GAD2: variants seen among roughly 807,000 people sequenced by gnomAD.
GAD2 encodes glutamate decarboxylase 2.
GAD2 carries 22 observed loss-of-function variants against 80.1 expected under a neutral mutation model. The observed-to-expected ratio is 0.27, with a 90% CI of 0.20 to 0.39. The LOEUF (loss-of-function observed/expected upper bound fraction) is 0.39, where lower values mean the gene tolerates loss of function less well. GAD2 is among the 10% of genes least tolerant of loss of function. GAD2 has a pLI of 1.00. For missense variants in GAD2, 624 were observed against 738.4 expected, an observed-to-expected ratio of 0.85 and a Z score of 1.80; for synonymous variants, 274 against 256.9, an observed-to-expected ratio of 1.07 and a Z score of -0.64.
chr10:26,244,671 A>G (rs191249635), intron 7 of GAD2, among the ~76,000 whole-genome samples: 411 of 152,270 alleles, frequency 2.7e-3, no homozygotes, highest in Non-Finnish European at 4.3e-3. Flanking sequence ...AGGTACTTAG[A>G]GTAGTTAAAT....
In GAD2 at chr10:26,217,440, C is replaced by G. The variant is rs1018238555; in HGVS notation, c.77-170C>G. ...GGGCTGGCCCGGGCCGCCAGCCTCC[C>G]GCTTGCCTTCTGCACCTGCCGGCCT... On this transcript the variant is annotated intron_variant, in intron 1 of 15. Transcript: ENST00000376261. This position sits in a 1 kb window ranked among gnomAD's most constrained non-coding sequence, Gnocchi z 4.9. Among the ~76,000 whole-genome samples, 1 of 152,120 alleles carries G rather than the reference C, an allele frequency of 6.6e-6. No individual in the cohort carries two copies. The highest frequency in any genetic ancestry group is 1.5e-5 in the Non-Finnish European group (1 of 68,020).
intron 12 of GAD2, among the ~76,000 whole-genome samples, chr10:26,283,089 C>T (rs367590869): frequency 5.3e-5 from 8 of 152,204 alleles, no homozygotes; most frequent in East Asian, 1.9e-4. Context: ...AAATGCGAGC[C>T]GGAGGAAAAT....
At position 26,301,493 on chromosome 10, in the gene GAD2, A is replaced by G. The variant is rs2132326641; in HGVS notation, c.*532A>G. The G allele has an allele frequency of 6.6e-6, 1 of 152,228 alleles. No homozygotes were observed. Among genetic ancestry groups the G allele is most frequent in the Admixed American group, 6.5e-5 (1 of 15,288 alleles). The allele number at this position is 152,228 out of a possible 1,614,324, so 9.4% of individuals were successfully genotyped here. On this transcript the variant is annotated 3_prime_UTR_variant, in exon 16 of 16. Coordinates refer to ENST00000376261, the MANE Select transcript of GAD2 (RefSeq NM_001134366.2). ...ATATATATATTAAAAAAGATATCCT[A>G]TTTTGTAACATATAGATTTTTATTT...
intron 13 of GAD2, 25 bp from the exon 14 acceptor site, chr10:26,292,440 T>A (rs1479527268): frequency 6.4e-7 from 1 of 1,560,634 alleles, no homozygotes; most frequent in Admixed American, 1.7e-5. Flanking sequence ...GCCTGCTTAA[T>A]GAGCTGTGTC....
chr10:26,218,287 T>G, intron 3 of GAD2: 1 of 327,370 alleles, frequency 3.1e-6, no homozygotes, highest in East Asian at 5.1e-5. Context: ...GCTCACTGAA[T>G]CGATGACGGC....
chr10:26,223,337 T>C (rs1315427795), intron 4 of GAD2, among the ~76,000 whole-genome samples: 1 of 152,234 alleles, frequency 6.6e-6, no homozygotes, highest in Non-Finnish European at 1.5e-5. Context: ...CAGAGTGTCC[T>C]ATTTTCTCAT....
intron 13 of GAD2, among the ~76,000 whole-genome samples, chr10:26,291,830 A>C (rs916311853): frequency 6.6e-6 from 1 of 152,246 alleles, no homozygotes; most frequent in Admixed American, 6.5e-5. Context: ...TTCCAGAGCC[A>C]GAAACTAAAA....
rs565149552 is a variant in GAD2 at position 26,277,103 on chromosome 10, C to A, written c.1157+3403C>A. ...TGTTTCCTTCTGTGATTACAGGGAG[C>A]TTTCACCAAGCAGGGCAACATTGTA... On this transcript the variant is annotated intron_variant, in intron 11 of 15. Coordinates refer to ENST00000376261, the MANE Select transcript of GAD2 (RefSeq NM_001134366.2). Among the ~76,000 whole-genome samples, 11 of 152,302 alleles carry A rather than the reference C, an allele frequency of 7.2e-5. No homozygotes were observed. The East Asian group carries it at 1.5e-3, about 21-fold the overall frequency.
intron 15 of GAD2, among the ~76,000 whole-genome samples, chr10:26,300,306 C>A (rs1026168732): frequency 2.6e-5 from 4 of 152,034 alleles, no homozygotes; most frequent in African/African-American, 9.7e-5. Flanking sequence ...AAAGAGAGAA[C>A]GAAAAGAAAC....
chr10:26,300,528 A>C (rs7906659), intron 15 of GAD2, among the ~76,000 whole-genome samples: 146 of 152,196 alleles, frequency 9.6e-4, no homozygotes, highest in African/African-American at 3.3e-3. Context: ...CCAAAACACT[A>C]ACTGGAAAGT....
chr10:26,292,893 T>A lies in GAD2; in HGVS notation c.1495-9T>A. 6.2e-7 allele frequency: 1 copy of A among 1,612,052 alleles called. No individual in the cohort carries two copies. Among genetic ancestry groups the A allele is most frequent in the Non-Finnish European group, 8.5e-7 (1 of 1,178,280 alleles). On this transcript the variant is annotated splice_polypyrimidine_tract_variant and intron_variant, in intron 14 of 15. Coordinates refer to ENST00000376261, the MANE Select transcript of GAD2 (RefSeq NM_001134366.2). ...GGGCCAAATGTGAATCTTCCTTTCC[T>A]CTTTGTAGCCTCAGCACACAAATGT...
chr10:26,219,052 C>A lies in GAD2; in HGVS notation c.296C>A (p.Pro99Gln). The change falls in exon 4 of 16, where the codon CCG (proline) becomes CAG (glutamine). Residue 99 changes from proline (P) to glutamine (Q), a missense_variant. Coordinates refer to ENST00000376261, the MANE Select transcript of GAD2 (RefSeq NM_001134366.2). ...TAATTTCATTCTTTAGACCTGCTGC[C>A]GGCGTGTGATGGAGAAAGGCCCACT... ...YAFLHATDLL[P>Q]ACDGERPTLA... 1.3e-6 allele frequency: 2 copies of A among 1,574,572 alleles called. No homozygotes were observed. Among genetic ancestry groups the A allele is most frequent in the Non-Finnish European group, 1.7e-6 (2 of 1,159,920 alleles).
chr10:26,263,895 T>A (rs759126194), intron 8 of GAD2, among the ~76,000 whole-genome samples: 9 of 152,192 alleles, frequency 5.9e-5, no homozygotes, highest in Non-Finnish European at 1.2e-4. Context: ...ATTTTGCATA[T>A]GTCATTACAA....
intron 8 of GAD2, among the ~76,000 whole-genome samples, chr10:26,259,480 G>A (rs1844983856): frequency 6.6e-6 from 1 of 151,856 alleles, no homozygotes; most frequent in Admixed American, 6.6e-5. Flanking sequence ...TGGTGTTGAG[G>A]ATTTTTTTTT....
At chr10:26,283,880 G>C (rs754608112) in intron 12 of GAD2, among the ~76,000 whole-genome samples, 2 of 152,324 alleles carry the variant, frequency 1.3e-5, no homozygotes, top group Admixed American at 6.5e-5. Flanking sequence ...TGATGTTACC[G>C]TTGAGGCTGT....
At position 26,229,697 on chromosome 10, in the gene GAD2, G is replaced by T. The variant is rs758427958; in HGVS notation, c.760G>T (p.Ala254Ser). Residue 254 changes from alanine (A) to serine (S), a missense_variant, in exon 7 of 16, where the codon GCA (alanine) becomes TCA (serine). Physicochemically the swap from Ala to Ser is moderately conservative, Grantham distance 99. Transcript: ENST00000376261. ...ATCTAACATGTATGCCATGATGATC[G>T]CACGCTTTAAGATGTTCCCAGAAGT... is the stretch of plus-strand genomic sequence containing the variant. ...AISNMYAMMIARFKMFPEVKE... is the reference protein window; with the variant it reads ...AISNMYAMMISRFKMFPEVKE... The T allele has an allele frequency of 3.7e-6, 6 of 1,613,898 alleles. No individual in the cohort carries two copies. The highest frequency in any genetic ancestry group is 1.1e-5 in the South Asian group (1 of 91,064).
At chr10:26,253,308 C>T (rs1844902966) in intron 8 of GAD2, among the ~76,000 whole-genome samples, 1 of 152,036 alleles carries the variant, frequency 6.6e-6, no homozygotes, top group Non-Finnish European at 1.5e-5. Context: ...GTTTCCTTTC[C>T]TTGTTAACAA....
At chr10:26,243,616 G>T (rs1246103141) in intron 7 of GAD2, among the ~76,000 whole-genome samples, 1 of 152,214 alleles carries the variant, frequency 6.6e-6, no homozygotes, top group Non-Finnish European at 1.5e-5. Context: ...ATAACCAAAG[G>T]CACAAAGACT....
Position 26,273,629 on chromosome 10 carries a change from T to C in GAD2, c.1093-7T>C. On this transcript the variant is annotated splice_region_variant and splice_polypyrimidine_tract_variant and intron_variant, in intron 10 of 15. Transcript: ENST00000376261. ...GCTACCATTTTCCTCATATGATTTT[T>C]TTTCAGGCAGCTTGGGGTGGGGGAT... 6.2e-7 allele frequency: 1 copy of C among 1,613,386 alleles called. No individual in the cohort carries two copies. Among genetic ancestry groups the C allele is most frequent in the Non-Finnish European group, 8.5e-7 (1 of 1,179,540 alleles).
Sources: gnomAD v4.1 joint callset for allele counts (sites outside exome capture counted in the v4.1 genomes callset) on GRCh38, gnomAD v4.1.1 for gene constraint, Gnocchi (gnomAD v3.1) non-coding constraint, MANE v1.5 for transcripts, NCBI Gene and HGNC (gene_info 2026-07-23, HGNC 2026-07-21) for gene names.